RUVBL1: variants seen among roughly 807,000 people sequenced by gnomAD.
The protein encoded by RUVBL1 is ruvB-like 1.
RUVBL1 carries 4 observed loss-of-function variants against 52.4 expected under a neutral mutation model. The ratio of observed to expected loss-of-function variants is 0.08; its 90% confidence interval spans 0.04 to 0.17. The LOEUF (loss-of-function observed/expected upper bound fraction) is 0.17, where lower values mean the gene tolerates loss of function less well. Among genes scored for constraint, RUVBL1 ranks in the 10% least tolerant of loss-of-function variants. The pLI, the probability that RUVBL1 is intolerant of heterozygous loss-of-function variation, is 1.00. For synonymous variants in RUVBL1, 217 were observed against 214.4 expected (o/e 1.01, Z -0.10); for missense variants, 298 against 572.8 (o/e 0.52, Z 4.90).
Position 128,081,467 on chromosome 3 carries a change from T to C in RUVBL1, c.1212-58A>G. The stretch of plus-strand genomic sequence containing the variant: ...ACTGGGGCCACCGAAGAAAGCACCT[T>C]CCCCCCACATCAGTAGGCAGCACTG... On this transcript the variant is annotated intron_variant, in intron 10 of 10. Coordinates refer to ENST00000322623, the MANE Select transcript of RUVBL1 (RefSeq NM_003707.3). This position sits in a 1 kb window ranked among gnomAD's most constrained non-coding sequence, Gnocchi z 4.8. 1 of 1,543,412 alleles carries C rather than the reference T, an allele frequency of 6.5e-7. No homozygotes were observed. The highest frequency in any genetic ancestry group is 8.8e-7 in the Non-Finnish European group (1 of 1,132,350).
chr3:128,121,710 CAAAAAAAAAAAAA>C (rs558813738), intron 1 of RUVBL1, among the ~76,000 whole-genome samples: 1 of 108,818 alleles, frequency 9.2e-6, no homozygotes, highest in South Asian at 3.1e-4. Context: ...AACTTCGTCT[CAAAAAAAAAAAAA>C]AAAAAAAAAA....
chr3:128,101,984 G>A (rs1559817479), intron 4 of RUVBL1, among the ~76,000 whole-genome samples: 1 of 152,230 alleles, frequency 6.6e-6, no homozygotes, highest in Non-Finnish European at 1.5e-5. Flanking sequence ...TTATAAGGAT[G>A]GTCCTGGCTG....
At chr3:128,105,181 C>T (rs939374744) in intron 3 of RUVBL1, among the ~76,000 whole-genome samples, 5 of 149,284 alleles carry the variant, frequency 3.3e-5, no homozygotes, top group African/African-American at 9.9e-5. Flanking sequence ...GGCACGATCT[C>T]GACTCACTGC....
intron 1 of RUVBL1, among the ~76,000 whole-genome samples, 156 bp from the exon 2 acceptor site, chr3:128,119,570 A>G (rs1244161675): frequency 6.6e-6 from 1 of 152,246 alleles, no homozygotes; most frequent in Non-Finnish European, 1.5e-5. Context: ...AGGGTAACGA[A>G]GGCAAGGCAG....
intron 7 of RUVBL1, 115 bp from the exon 8 acceptor site, chr3:128,097,613 T>A: frequency 1.2e-6 from 1 of 863,216 alleles, no homozygotes; most frequent in Non-Finnish European, 1.9e-6. Flanking sequence ...GTTTTCCTAC[T>A]AGCTATGTGA....
At chr3:128,065,800 G>A (rs927182494) in intron 9 of RUVBL1, among the ~76,000 whole-genome samples, 74 of 145,664 alleles carry the variant, frequency 5.1e-4, no homozygotes, top group African/African-American at 1.9e-3. Context: ...GCAGTGGCGC[G>A]ATCTCGACTC....
chr3:128,121,081 A>T (rs1295126240), intron 1 of RUVBL1, among the ~76,000 whole-genome samples: 3 of 151,952 alleles, frequency 2.0e-5, no homozygotes, highest in African/African-American at 7.2e-5. Flanking sequence ...AGAACCTAGA[A>T]GATATTCTTC....
intron 1 of RUVBL1, among the ~76,000 whole-genome samples, chr3:128,138,554 G>C (rs1369288604): frequency 6.7e-6 from 1 of 149,796 alleles, no homozygotes; most frequent in East Asian, 1.9e-4. Flanking sequence ...AATTGAAGAG[G>C]CCACAAAAAA....
At chr3:128,103,254 C>T (rs564873837) in intron 4 of RUVBL1, among the ~76,000 whole-genome samples, 4 of 152,312 alleles carry the variant, frequency 2.6e-5, no homozygotes, top group African/African-American at 9.6e-5. Context: ...GGAGAATATA[C>T]TTCTTTTTTG....
chr3:128,110,569 C>T (rs1314063216), intron 3 of RUVBL1, among the ~76,000 whole-genome samples: 1 of 152,042 alleles, frequency 6.6e-6, no homozygotes, highest in East Asian at 1.9e-4. Flanking sequence ...TAAAAATATT[C>T]AAATCGTGGC....
chr3:128,107,419 G>A (rs1041725820), intron 3 of RUVBL1, among the ~76,000 whole-genome samples: 1 of 152,224 alleles, frequency 6.6e-6, no homozygotes, highest in Non-Finnish European at 1.5e-5. Flanking sequence ...AGGATTTGGT[G>A]TTCTCACCAT....
At chr3:128,118,118 G>C (rs1943568161) in intron 2 of RUVBL1, among the ~76,000 whole-genome samples, 1 of 152,180 alleles carries the variant, frequency 6.6e-6, no homozygotes, top group Non-Finnish European at 1.5e-5. Context: ...AAGAAAAATG[G>C]AGGGAAAGAG....
chr3:128,082,464 G>T lies in RUVBL1; in HGVS notation c.1211+19C>A, dbSNP rs1030209841. ...GGCTGTGCTGGGGAGGCCCCGGCGG[G>T]CCCAGGGTACCAGCTCACCTCAGTG... On this transcript the variant is annotated intron_variant, in intron 10 of 10. Transcript: ENST00000322623. This position sits in a 1 kb window ranked among gnomAD's most constrained non-coding sequence, Gnocchi z 4.7. The T allele has an allele frequency of 1.2e-6, 2 of 1,603,638 alleles. No individual in the cohort carries two copies. The highest frequency in any genetic ancestry group is 1.7e-6 in the Non-Finnish European group (2 of 1,171,338).
chr3:128,123,874 G>A, upstream of RUVBL1: 1 of 1,335,948 alleles, frequency 7.5e-7, no homozygotes, highest in Non-Finnish European at 9.6e-7. Flanking sequence ...GAACACCTCC[G>A]CTCTCCATAG....
At position 128,081,444 on chromosome 3, in the gene RUVBL1, T is replaced by C; in HGVS notation, c.1212-35A>G. 1 of 1,587,538 alleles carries C rather than the reference T, an allele frequency of 6.3e-7. No homozygotes were observed. The highest frequency in any genetic ancestry group is 8.6e-7 in the Non-Finnish European group (1 of 1,162,036). On this transcript the variant is annotated intron_variant, in intron 10 of 10. Coordinates refer to ENST00000322623, the MANE Select transcript of RUVBL1 (RefSeq NM_003707.3). This position sits in a 1 kb window ranked among gnomAD's most constrained non-coding sequence, Gnocchi z 4.8. ...ACAGGGGCCAGGGCTGGAGTGAAAC[T>C]GGGGCCACCGAAGAAAGCACCTTCC...
intron 3 of RUVBL1, among the ~76,000 whole-genome samples, chr3:128,105,280 C>T (rs150908775): frequency 0.011 from 1,655 of 151,850 alleles, 34 homozygotes; most frequent in African/African-American, 0.038. Context: ...CCACCACGCC[C>T]GGCTAATTTT....
At chr3:128,132,442 C>G (rs1019242408) in intron 1 of RUVBL1, among the ~76,000 whole-genome samples, 4 of 152,144 alleles carry the variant, frequency 2.6e-5, no homozygotes, top group African/African-American at 9.7e-5. Flanking sequence ...CACCACTCCC[C>G]CAAAGCCAGG....
intron 1 of RUVBL1, among the ~76,000 whole-genome samples, chr3:128,130,207 G>T (rs1011890588): frequency 6.6e-6 from 1 of 151,516 alleles, no homozygotes; most frequent in Non-Finnish European, 1.5e-5. Context: ...ATTACAGCAG[G>T]AACATTACTA....
At chr3:128,077,407 G>C (rs772983700), downstream of RUVBL1, among the ~76,000 whole-genome samples, 153 of 152,226 alleles carry the variant, frequency 1.0e-3, no homozygotes, top group Non-Finnish European at 1.7e-3. Context: ...ACTGGAGGAA[G>C]CAAGAAAGAG....
Sources: allele counts gnomAD v4.1 joint callset (sites outside exome capture counted in the v4.1 genomes callset), GRCh38; gene constraint gnomAD v4.1.1; non-coding constraint Gnocchi (gnomAD v3.1); transcripts MANE v1.5; gene names NCBI Gene and HGNC (gene_info 2026-07-23, HGNC 2026-07-21).